Variants in MBP observed in about 807,000 individuals in gnomAD.
MBP encodes the protein myelin basic protein.
MBP carries 16 observed loss-of-function variants against 35.8 expected under a neutral mutation model. The ratio of observed to expected loss-of-function variants is 0.45; its 90% CI spans 0.30 to 0.68. MBP has a LOEUF of 0.68. Among genes scored for constraint, MBP ranks in the 30% least tolerant of loss-of-function variants. The pLI is 0.08. For synonymous variants in MBP, 143 were observed against 159.6 expected (o/e 0.90, Z 0.78); for missense variants, 380 against 404.7 (o/e 0.94, Z 0.52).
intron 3 of MBP, among the ~76,000 whole-genome samples, chr18:77,032,180 C>T (rs1250596558): frequency 6.6e-6 from 1 of 152,182 alleles, no homozygotes; most frequent in Admixed American, 6.5e-5. Context: ...TGGGCCAGGG[C>T]CAAAGAGGAC....
chr18:76,988,795 ACT>A lies in MBP; in HGVS notation c.717+80_717+81del. The A allele has an allele frequency of 6.7e-7, 1 of 1,489,458 alleles. No homozygotes were observed. Among genetic ancestry groups the A allele is most frequent in the Non-Finnish European group, 9.2e-7 (1 of 1,089,260 alleles). The allele number at this position is 1,489,458 out of a possible 1,614,324, so 92.3% of individuals were successfully genotyped here. ...ATGGATTCTGGTAGCTCGGAGCCTA[ACT>A]CTCTCTTTGGTACATTATGGGATTT... On this transcript the variant is annotated intron_variant, in intron 6 of 8. Transcript: ENST00000355994. The surrounding 1 kb of genome is among the most constrained non-coding windows in gnomAD (Gnocchi z 5.2).
chr18:77,049,988 C>A (rs1247500802), intron 3 of MBP, among the ~76,000 whole-genome samples: 1 of 152,122 alleles, frequency 6.6e-6, no homozygotes, highest in African/African-American at 2.4e-5. Flanking sequence ...CCCTAATGAT[C>A]ATTTTAAACT....
At chr18:77,104,561 T>G (rs1976181731) in intron 2 of MBP, among the ~76,000 whole-genome samples, 1 of 152,106 alleles carries the variant, frequency 6.6e-6, no homozygotes, top group South Asian at 2.1e-4. Flanking sequence ...AACTCCATGG[T>G]GGGTGAGAAG....
At chr18:76,998,309 C>T (rs1970430150) in intron 4 of MBP, among the ~76,000 whole-genome samples, 2 of 140,450 alleles carry the variant, frequency 1.4e-5, no homozygotes, top group African/African-American at 5.4e-5. Flanking sequence ...CCTCCAGGCG[C>T]CCCGTGCTGC....
Position 76,988,099 on chromosome 18 carries a change from CG to C in MBP, c.750+395del. 6.7e-7 allele frequency: 1 copy of C among 1,495,746 alleles called. No homozygotes were observed. 92.7% of individuals were successfully genotyped at this position (1,495,746 alleles called of 1,614,324 possible). On this transcript the variant is annotated intron_variant, in intron 7 of 8. Coordinates refer to ENST00000355994, the MANE Select transcript of MBP (RefSeq NM_001025101.2). This position sits in a 1 kb window ranked among gnomAD's most constrained non-coding sequence, Gnocchi z 5.2. ...GTGTCAGCATCTGGGGTCACTGAGACGGGCCAGCCAGTCCCACTTCCACATG... is the reference window on the plus strand; with the variant it reads ...GTGTCAGCATCTGGGGTCACTGAGACGGCCAGCCAGTCCCACTTCCACATG...
intron 8 of MBP, chr18:76,983,126 A>C (rs1301224128): frequency 6.6e-6 from 1 of 152,176 alleles, no homozygotes; most frequent in Middle Eastern, 3.2e-3. Context: ...AATATTTGCT[A>C]AATGGGGCCC....
At chr18:76,986,893 A>G in intron 7 of MBP, 1 of 985,426 alleles carries the variant, frequency 1.0e-6, no homozygotes, top group Non-Finnish European at 1.2e-6. Context: ...TCTTTGGGGA[A>G]CCTAGAATGT....
intron 3 of MBP, among the ~76,000 whole-genome samples, chr18:77,038,932 C>A (rs1332578756): frequency 6.6e-6 from 1 of 152,172 alleles, no homozygotes; most frequent in East Asian, 1.9e-4. Context: ...CAGTGAGAGG[C>A]GTCTTCAAAC....
At chr18:77,046,488 C>CT (rs1221462102) in intron 3 of MBP, among the ~76,000 whole-genome samples, 3 of 152,244 alleles carry the variant, frequency 2.0e-5, no homozygotes, top group African/African-American at 7.2e-5. Context: ...CCTGGTTCCT[C>CT]AAGCACTGGT....
intron 2 of MBP, among the ~76,000 whole-genome samples, chr18:77,069,189 G>A (rs1296249525): frequency 6.6e-6 from 1 of 152,218 alleles, no homozygotes; most frequent in African/African-American, 2.4e-5. Context: ...CCCAGAGAGA[G>A]CTTTTTAAAC....
At chr18:77,047,064 G>T (rs1973287354) in intron 3 of MBP, among the ~76,000 whole-genome samples, 1 of 152,194 alleles carries the variant, frequency 6.6e-6, no homozygotes, top group Non-Finnish European at 1.5e-5. Context: ...AGATAGACAT[G>T]AAAAGGAAAG....
At position 77,117,991 on chromosome 18, in the gene MBP, GGGGGACAGTGGGTTGGGGTGGGAT is replaced by G. The variant is rs1234306971; in HGVS notation, c.-25-12729_-25-12706del. 8.7e-4 allele frequency among the ~76,000 whole-genome samples: 10 copies of G among 11,516 alleles called. 2 individuals carry two copies. The highest frequency in any genetic ancestry group is 6.5e-3 in the East Asian group (2 of 310). 7.6% of individuals were successfully genotyped at this position (11,516 alleles called of 152,430 possible). On this transcript the variant is annotated intron_variant, in intron 1 of 8. Transcript: ENST00000355994. ...CGGGGACAGGGGGTTGGGGCGGGAT[GGGGGACAGTGGGTTGGGGTGGGAT>G]GGGGACAGTGGGTTGGGGCGGGATG...
At chr18:77,081,767 TAC>T (rs1208032259) in intron 2 of MBP, among the ~76,000 whole-genome samples, 14,556 of 98,342 alleles carry the variant, frequency 0.15, 917 homozygotes, top group Middle Eastern at 0.23. Context: ...TATATATATA[TAC>T]ACACACACAC....
chr18:77,106,999 G>A (rs1422416603), intron 1 of MBP, among the ~76,000 whole-genome samples: 4 of 152,140 alleles, frequency 2.6e-5, no homozygotes, highest in Non-Finnish European at 5.9e-5. Flanking sequence ...AAGAAAGAAG[G>A]GGTGTGTTCC....
At chr18:77,021,886 T>C (rs1012314315) in intron 3 of MBP, among the ~76,000 whole-genome samples, 8 of 152,134 alleles carry the variant, frequency 5.3e-5, no homozygotes, top group African/African-American at 1.9e-4. Context: ...GGGTGGCCTT[T>C]TTTGAATCTG....
In MBP at chr18:76,988,094, T is replaced by C. The variant is rs2123112733; in HGVS notation, c.750+401A>G. ...TCCCAGTGTCAGCATCTGGGGTCAC[T>C]GAGACGGGCCAGCCAGTCCCACTTC... On this transcript the variant is annotated intron_variant, in intron 7 of 8. Transcript: ENST00000355994. This position sits in a 1 kb window ranked among gnomAD's most constrained non-coding sequence, Gnocchi z 5.2. 1 of 1,493,074 alleles carries C rather than the reference T, an allele frequency of 6.7e-7. No individual in the cohort carries two copies. The allele number at this position is 1,493,074 out of a possible 1,614,324, so 92.5% of individuals were successfully genotyped here.
chr18:77,130,256 G>T (rs1010870504), intron 1 of MBP, among the ~76,000 whole-genome samples: 3 of 152,012 alleles, frequency 2.0e-5, no homozygotes, highest in African/African-American at 7.3e-5. Context: ...GGAACGAGGA[G>T]CACCTTTGCA....
rs1568354900 is a variant in MBP at position 77,131,087 on chromosome 18, A to ACG, written c.-26+1492_-26+1493insCG. 3.7e-3 allele frequency among the ~76,000 whole-genome samples: 160 copies of ACG among 42,684 alleles called. 3 individuals are homozygous for ACG. The highest frequency in any genetic ancestry group is 0.034 in the South Asian group (33 of 962). The allele number at this position is 42,684 out of a possible 152,430, so 28.0% of individuals were successfully genotyped here. A position where few individuals can be genotyped will look rare whatever the true frequency, so the allele number is the denominator to read the frequency against. ...CACACACACGCGCGCACGCACGCGC[A>ACG]CACACACACACACACACACACACAC... On this transcript the variant is annotated intron_variant, in intron 1 of 8. Transcript: ENST00000355994. This position sits in a 1 kb window ranked among gnomAD's most constrained non-coding sequence, Gnocchi z 5.5.
intron 1 of MBP, chr18:77,115,827 C>T (rs547816233): frequency 6.6e-6 from 1 of 152,220 alleles, no homozygotes; most frequent in Non-Finnish European, 1.5e-5. Context: ...TAGTATTTTA[C>T]TGGGCAACTG....
Sources: gnomAD v4.1 joint callset for allele counts (sites outside exome capture counted in the v4.1 genomes callset) on GRCh38, gnomAD v4.1.1 for gene constraint, Gnocchi (gnomAD v3.1) non-coding constraint, MANE v1.5 for transcripts, NCBI Gene and HGNC (gene_info 2026-07-23, HGNC 2026-07-21) for gene names.